WDR7: variants seen among roughly 807,000 people sequenced by gnomAD.
WDR7 encodes WD repeat domain 7.
Under a neutral mutation model 169.4 loss-of-function variants are expected in WDR7, and 46 were observed. The observed-to-expected ratio is 0.27, with a 90% CI of 0.21 to 0.35. WDR7 has a LOEUF of 0.35. Among genes scored for constraint, WDR7 ranks in the 10% least tolerant of loss-of-function variants. WDR7 has a pLI of 1.00. For missense variants in WDR7, 1,534 were observed against 1,859.3 expected (o/e 0.83, Z 3.22); for synonymous variants, 612 against 666.8 (o/e 0.92, Z 1.27).
chr18:56,728,561 C>G (rs1001506952), intron 13 of WDR7, among the ~76,000 whole-genome samples: 1 of 152,180 alleles, frequency 6.6e-6, no homozygotes, highest in African/African-American at 2.4e-5. Flanking sequence ...CCTTTCTCCC[C>G]TTTTGGGATC....
intron 26 of WDR7, among the ~76,000 whole-genome samples, chr18:56,998,557 G>A: frequency 6.6e-6 from 1 of 152,100 alleles, no homozygotes; most frequent in East Asian, 1.9e-4. Context: ...TCTTTACTCT[G>A]CTGTTTGCTT....
At chr18:56,693,943 C>T (rs1802526456) in intron 9 of WDR7, among the ~76,000 whole-genome samples, 1 of 152,010 alleles carries the variant, frequency 6.6e-6, no homozygotes, top group South Asian at 2.1e-4. Flanking sequence ...AATGATAGTT[C>T]ACTGTAGCTT....
At chr18:56,700,746 T>G (rs2025816101) in intron 12 of WDR7, among the ~76,000 whole-genome samples, 1 of 150,092 alleles carries the variant, frequency 6.7e-6, no homozygotes, top group South Asian at 2.1e-4. Context: ...ATTTTTTGTA[T>G]TTTTAGTAGA....
At chr18:56,865,399 C>T (rs1446757713) in intron 20 of WDR7, among the ~76,000 whole-genome samples, 3 of 152,036 alleles carry the variant, frequency 2.0e-5, no homozygotes, top group African/African-American at 4.8e-5. Context: ...CACTAGTATG[C>T]AGTAGAAAAT....
At chr18:56,678,352 C>T (rs746799839) in intron 2 of WDR7, among the ~76,000 whole-genome samples, 10 of 152,124 alleles carry the variant, frequency 6.6e-5, no homozygotes, top group Non-Finnish European at 1.2e-4. Flanking sequence ...CTTGTCTGGC[C>T]ATGGAGGAAT....
At chr18:56,819,304 A>G (rs2045040518) in intron 20 of WDR7, among the ~76,000 whole-genome samples, 1 of 152,216 alleles carries the variant, frequency 6.6e-6, no homozygotes, top group South Asian at 2.1e-4. Context: ...ACAGCTGGAA[A>G]GACTAGGAGG....
At chr18:56,728,113 C>T (rs1235344698) in intron 13 of WDR7, among the ~76,000 whole-genome samples, 1 of 152,122 alleles carries the variant, frequency 6.6e-6, no homozygotes, top group Non-Finnish European at 1.5e-5. Flanking sequence ...GCAAGAAAAT[C>T]ACTGACATTT....
intron 26 of WDR7, among the ~76,000 whole-genome samples, chr18:56,988,172 C>T (rs2047752669): frequency 6.6e-6 from 1 of 152,200 alleles, no homozygotes. Context: ...TTATCACCTT[C>T]GTAACCCCTA....
At chr18:56,938,725 T>G (rs751209610) in intron 24 of WDR7, 43 bp downstream of exon 24, 2 of 1,603,688 alleles carry the variant, frequency 1.2e-6, no homozygotes, top group Non-Finnish European at 1.7e-6. Flanking sequence ...CAACCTAAAT[T>G]AAATATTCTA....
intron 22 of WDR7, among the ~76,000 whole-genome samples, chr18:56,925,327 C>T (rs1455213973): frequency 6.6e-6 from 1 of 152,194 alleles, no homozygotes; most frequent in Non-Finnish European, 1.5e-5. Context: ...CCATGTTTAA[C>T]TTATTGAGGA....
chr18:56,992,155 C>A (rs1259753603), intron 26 of WDR7, among the ~76,000 whole-genome samples: 3 of 152,224 alleles, frequency 2.0e-5, no homozygotes, highest in Non-Finnish European at 2.9e-5. Context: ...CTTCTGTAAT[C>A]ACTCCTTCAG....
At position 57,027,910 on chromosome 18, in the gene WDR7, G is replaced by T. The variant is rs2048390457; in HGVS notation, c.*703G>T. The T allele has an allele frequency of 6.6e-6, 1 of 152,192 alleles. No individual in the cohort carries two copies. Among genetic ancestry groups the T allele is most frequent in the Non-Finnish European group, 1.5e-5 (1 of 68,066 alleles). The allele number at this position is 152,192 out of a possible 1,614,324, so 9.4% of individuals were successfully genotyped here. A position where few individuals can be genotyped will look rare whatever the true frequency, so the allele number is the denominator to read the frequency against. ...TGAAGTGCTCATCTCTTGCTTAAAT[G>T]ATAGTCTATTTAGTAGTTTAAAATA... On this transcript the variant is annotated 3_prime_UTR_variant, in exon 28 of 28. Transcript: ENST00000254442.
chr18:56,987,963 A>T (rs1008273026), intron 26 of WDR7, among the ~76,000 whole-genome samples: 2 of 152,352 alleles, frequency 1.3e-5, no homozygotes, highest in Admixed American at 1.3e-4. Flanking sequence ...ATTAATCATA[A>T]ATATCATGTC....
intron 21 of WDR7, among the ~76,000 whole-genome samples, chr18:56,897,924 T>C (rs1265686796): frequency 6.6e-6 from 1 of 151,986 alleles, no homozygotes; most frequent in African/African-American, 2.4e-5. Context: ...GAGACGTATA[T>C]TTCCTACCTC....
At chr18:56,969,495 T>A (rs1204954283) in intron 26 of WDR7, among the ~76,000 whole-genome samples, 1 of 152,236 alleles carries the variant, frequency 6.6e-6, no homozygotes. Flanking sequence ...GATGATTTGT[T>A]ACAAACACAG....
In WDR7 at chr18:56,695,179, G is replaced by A; in HGVS notation, c.1338G>A (p.Gly446=). ...CGGCCATAGTACAGCTGTTGCAAGG[G>A]GAACACATGCTCAGAAGAGGTATAC... is the stretch of plus-strand genomic sequence containing the variant. ...TQTAIVQLLQ[G]EHMLRRGWPP... The change falls in exon 11 of 28, where the codon GGG becomes GGA. Residue 446 remains glycine (G), a synonymous_variant. Coordinates refer to ENST00000254442, the MANE Select transcript of WDR7 (RefSeq NM_015285.3). 1 of 1,614,080 alleles carries A rather than the reference G, an allele frequency of 6.2e-7. No homozygotes were observed. The highest frequency in any genetic ancestry group is 8.5e-7 in the Non-Finnish European group (1 of 1,179,978).
intron 19 of WDR7, among the ~76,000 whole-genome samples, chr18:56,810,965 AG>A (rs1252716457): frequency 6.6e-6 from 1 of 151,686 alleles, no homozygotes; most frequent in African/African-American, 2.4e-5. Context: ...CCTCAGCCCT[AG>A]GCCAATCTAC....
chr18:56,832,604 T>C (rs2045331166), intron 20 of WDR7, among the ~76,000 whole-genome samples: 1 of 152,168 alleles, frequency 6.6e-6, no homozygotes, highest in Non-Finnish European at 1.5e-5. Context: ...GGCTGGCATC[T>C]GGCAGGTGCC....
intron 9 of WDR7, among the ~76,000 whole-genome samples, chr18:56,694,088 G>A (rs754647117): frequency 5.3e-5 from 8 of 151,336 alleles, no homozygotes; most frequent in Non-Finnish European, 7.4e-5. Flanking sequence ...GTCCAGGGCC[G>A]GTCTCTGACT....
Sources: gnomAD v4.1 joint callset for allele counts (sites outside exome capture counted in the v4.1 genomes callset) on GRCh38, gnomAD v4.1.1 for gene constraint, MANE v1.5 for transcripts, NCBI Gene and HGNC (gene_info 2026-07-23, HGNC 2026-07-21) for gene names.